Variants in TRIM25 observed in about 807,000 individuals in gnomAD.
The protein encoded by TRIM25 is E3 ubiquitin/ISG15 ligase TRIM25.
A neutral mutation model predicts 65.2 loss-of-function variants in TRIM25; 45 were observed. The ratio of observed to expected loss-of-function variants is 0.69; its 90% CI spans 0.54 to 0.89. The LOEUF is 0.89. Among genes scored for constraint, TRIM25 ranks in the 40% least tolerant of loss-of-function variants. The probability of loss-of-function intolerance (pLI) is 0.00; values close to 1 mark genes in which losing one functional copy is unlikely to be tolerated. For missense variants in TRIM25, 714 were observed against 803.7 expected, an observed-to-expected ratio of 0.89 and a Z score of 1.35; for synonymous variants, 321 against 340.4, an observed-to-expected ratio of 0.94 and a Z score of 0.63.
chr17:56,905,575 G>C (rs1365533029), intron 2 of TRIM25, among the ~76,000 whole-genome samples: 2 of 151,976 alleles, frequency 1.3e-5, no homozygotes, highest in East Asian at 3.9e-4. Flanking sequence ...ACCAAAAAAA[G>C]GAATGTAAAA....
chr17:56,904,458 G>A lies in TRIM25; in HGVS notation c.724C>T (p.Gln242Ter). 4 of 1,614,106 alleles carry A rather than the reference G, an allele frequency of 2.5e-6. No individual in the cohort carries two copies. Among genetic ancestry groups the A allele is most frequent in the South Asian group, 1.1e-5 (1 of 91,076 alleles). ...GCCTTCATTTCCGTGTATTCTTGTT[G>A]TAGCTGCTCCACCTTTCTGTTTGCA... ...MTANRKVEQL[Q>*]QEYTEMKALL... Residue 242 changes from glutamine to a stop codon, truncating the protein, a stop_gained, in exon 3 of 9, where the codon CAA (glutamine) becomes TAA (stop). Coordinates refer to ENST00000316881, the MANE Select transcript of TRIM25 (RefSeq NM_005082.5). LOFTEE classifies it high-confidence loss of function.
At chr17:56,895,300 G>T (rs145869531) in intron 8 of TRIM25, 43 bp downstream of exon 8, 3 of 1,530,746 alleles carry the variant, frequency 2.0e-6, no homozygotes, top group South Asian at 1.1e-5. Context: ...GCGCAGGAGA[G>T]ACAGAACCAG....
intron 2 of TRIM25, among the ~76,000 whole-genome samples, chr17:56,906,848 A>G (rs958346374): frequency 1.5e-4 from 23 of 152,094 alleles, no homozygotes; most frequent in Admixed American, 7.2e-4. Flanking sequence ...AGTGTCCCCC[A>G]GTGTTCATTT....
Position 56,891,589 on chromosome 17 carries a change from C to T in TRIM25, c.*111G>A. On this transcript the variant is annotated 3_prime_UTR_variant, in exon 9 of 9. Coordinates refer to ENST00000316881, the MANE Select transcript of TRIM25 (RefSeq NM_005082.5). Reference sequence around the variant, plus strand: ...CTCCCGCCAGCTCCCCTCCCATGCTCCCAATCCTTGGGACCTCTTGGGGAA... The same window carrying T: ...CTCCCGCCAGCTCCCCTCCCATGCTTCCAATCCTTGGGACCTCTTGGGGAA... The T allele has an allele frequency of 3.8e-6, 3 of 798,784 alleles. No homozygotes were observed. Among genetic ancestry groups the T allele is most frequent in the Non-Finnish European group, 5.3e-6 (3 of 563,426 alleles). The allele number at this position is 798,784 out of a possible 1,614,324, so 49.5% of individuals were successfully genotyped here. A position where few individuals can be genotyped will look rare whatever the true frequency, so the allele number is the denominator to read the frequency against.
At position 56,891,055 on chromosome 17, in the gene TRIM25, A is replaced by C; in HGVS notation, c.*645T>G. 2.5e-6 allele frequency: 1 copy of C among 396,796 alleles called. No homozygotes were observed. Among genetic ancestry groups the C allele is most frequent in the South Asian group, 1.9e-5 (1 of 53,880 alleles). The allele number at this position is 396,796 out of a possible 1,614,324, so 24.6% of individuals were successfully genotyped here. On this transcript the variant is annotated 3_prime_UTR_variant, in exon 9 of 9. Transcript: ENST00000316881. ...AAAGTTTGCTGTTTGAAAACCATCA[A>C]TGTGGGGGCGATGGGTGTGCAGGGT...
intron 1 of TRIM25, among the ~76,000 whole-genome samples, chr17:56,910,395 A>G (rs573050576): frequency 6.6e-6 from 1 of 152,318 alleles, no homozygotes; most frequent in East Asian, 1.9e-4. Flanking sequence ...CCTCTGTGAC[A>G]CTGCCCTTCG....
In TRIM25 at chr17:56,890,757, A is replaced by G. The variant is rs1303215243; in HGVS notation, c.*943T>C. The G allele has an allele frequency of 2.2e-6, 1 of 456,448 alleles. No individual in the cohort carries two copies. Among genetic ancestry groups the G allele is most frequent in the Non-Finnish European group, 4.4e-6 (1 of 226,914 alleles). 28.3% of individuals were successfully genotyped at this position (456,448 alleles called of 1,614,324 possible). On this transcript the variant is annotated 3_prime_UTR_variant, in exon 9 of 9. Transcript: ENST00000316881. ...ATCACCGAGAAGAGTTGTCAGTAAG[A>G]AGGCAGGACACTCTAACACGAGCAA...
chr17:56,891,388 C>T lies in TRIM25; in HGVS notation c.*312G>A, dbSNP rs951610796. 6 of 394,312 alleles carry T rather than the reference C, an allele frequency of 1.5e-5. No individual in the cohort carries two copies. The highest frequency in any genetic ancestry group is 4.2e-5 in the Admixed American group (1 of 23,804). 24.4% of individuals were successfully genotyped at this position (394,312 alleles called of 1,614,324 possible). A position where few individuals can be genotyped will look rare whatever the true frequency, so the allele number is the denominator to read the frequency against. On this transcript the variant is annotated 3_prime_UTR_variant, in exon 9 of 9. Transcript: ENST00000316881. The stretch of plus-strand genomic sequence containing the variant: ...GCTATGGATTTTCTCTAAGAGGAAT[C>T]GGGCACTCATGACTTCACTTCCCAG...
In TRIM25 at chr17:56,891,599, G is replaced by T; in HGVS notation, c.*101C>A. The T allele has an allele frequency of 4.4e-5, 36 of 815,546 alleles. No homozygotes were observed. The highest frequency in any genetic ancestry group is 2.2e-4 in the South Asian group (11 of 50,796). 50.5% of individuals were successfully genotyped at this position (815,546 alleles called of 1,614,324 possible). ...CTCCCCTCCCATGCTCCCAATCCTT[G>T]GGACCTCTTGGGGAATTATCCAAGG... On this transcript the variant is annotated 3_prime_UTR_variant, in exon 9 of 9. Coordinates refer to ENST00000316881, the MANE Select transcript of TRIM25 (RefSeq NM_005082.5).
chr17:56,895,249 T>C (rs1909266640), intron 8 of TRIM25, 94 bp downstream of exon 8: 2 of 937,800 alleles, frequency 2.1e-6, no homozygotes, highest in South Asian at 2.8e-5. Context: ...GAGTGGCTGA[T>C]ATAGCCGGCC....
Position 56,891,841 on chromosome 17 carries a change from G to C in TRIM25, c.1752C>G (p.Asp584Glu), listed in dbSNP as rs1235223869. ...CAGCGAAGAAGATGACAAAGCCGTGGTCACAGTTGAGAAGCACGCCCACCC... is the reference window on the plus strand; with the variant it reads ...CAGCGAAGAAGATGACAAAGCCGTGCTCACAGTTGAGAAGCACGCCCACCC... ...ATRVGVLLNC[D>E]HGFVIFFAVA... The change falls in exon 9 of 9, where the codon GAC becomes GAG. Residue 584 changes from aspartate (D) to glutamate (E), a missense_variant. By Grantham distance (45) the Asp-to-Glu change is conservative. Around this residue, in one of 3 missense-constraint regions of TRIM25, gnomAD observed 413 missense variants for 498.2 expected, o/e 0.83. Transcript: ENST00000316881. 1 of 1,614,240 alleles carries C rather than the reference G, an allele frequency of 6.2e-7. No homozygotes were observed.
At chr17:56,909,070 G>A (rs1163280688) in intron 1 of TRIM25, among the ~76,000 whole-genome samples, 3 of 152,126 alleles carry the variant, frequency 2.0e-5, no homozygotes, top group Admixed American at 6.5e-5. Context: ...TGGGACAGCT[G>A]CTTCGGTAAT....
chr17:56,899,775 T>C (rs1313777179), intron 4 of TRIM25, among the ~76,000 whole-genome samples: 1 of 152,208 alleles, frequency 6.6e-6, no homozygotes, highest in Non-Finnish European at 1.5e-5. Context: ...ACTAGGGAAA[T>C]AGCGTTGAAG....
rs530911014 is a variant in TRIM25, at chr17:56,904,148, C to G, written c.927+107G>C. 5.8e-5 allele frequency: 54 copies of G among 923,614 alleles called. No individual in the cohort carries two copies. In the South Asian group the frequency reaches 8.1e-4, roughly 14 times the overall value. The allele number at this position is 923,614 out of a possible 1,614,324, so 57.2% of individuals were successfully genotyped here. A position where few individuals can be genotyped will look rare whatever the true frequency, so the allele number is the denominator to read the frequency against. On this transcript the variant is annotated intron_variant, in intron 3 of 8. Coordinates refer to ENST00000316881, the MANE Select transcript of TRIM25 (RefSeq NM_005082.5). ...TACAGCGTGTGTCTCAGGGATGCTTCCAGTGACCTCTTCCAGTCTCCCGCT... is the reference window on the plus strand; with the variant it reads ...TACAGCGTGTGTCTCAGGGATGCTTGCAGTGACCTCTTCCAGTCTCCCGCT...
intron 3 of TRIM25, 54 bp downstream of exon 3, chr17:56,904,201 G>T (rs1283259447): frequency 2.7e-5 from 40 of 1,469,432 alleles, no homozygotes; most frequent in South Asian, 3.5e-5. Flanking sequence ...TCAACAGCAT[G>T]ACATCAGGCA....
chr17:56,894,972 G>C (rs1406276005), intron 8 of TRIM25, among the ~76,000 whole-genome samples: 8 of 152,234 alleles, frequency 5.3e-5, no homozygotes, highest in Admixed American at 1.3e-4. Flanking sequence ...CTGGAGAGTG[G>C]TGGGGAGGAG....
intron 2 of TRIM25, 62 bp from the exon 3 acceptor site, chr17:56,904,550 C>T: frequency 1.4e-6 from 2 of 1,469,350 alleles, no homozygotes; most frequent in Non-Finnish European, 1.9e-6. Flanking sequence ...GCTGCAGCCC[C>T]AAGCATGGGT....
Position 56,904,289 on chromosome 17 carries a change from C to T in TRIM25, c.893G>A (p.Ser298Asn), listed in dbSNP as rs1392800375. ...CTCGAACTCATCCCTCTTGGTCAGG[C>T]TCTGTTCAATCTCCTCCTTCAAGGT... ...IQTLKEEIEQSLTKRDEFEFL... is the reference protein window; with the variant it reads ...IQTLKEEIEQNLTKRDEFEFL... Residue 298 changes from serine to asparagine, a missense_variant, in exon 3 of 9, where the codon AGC becomes AAC. Ser to Asn is a conservative substitution (Grantham distance 46, BLOSUM62 1). This residue lies in a region of TRIM25 where 413 missense variants were observed against 498.2 expected (regional missense o/e 0.83). Transcript: ENST00000316881. 8.1e-6 allele frequency: 13 copies of T among 1,613,866 alleles called. No homozygotes were observed. Among genetic ancestry groups the T allele is most frequent in the Non-Finnish European group, 1.1e-5 (13 of 1,180,002 alleles).
At chr17:56,911,848 C>G (rs1909635995) in intron 1 of TRIM25, among the ~76,000 whole-genome samples, 1 of 151,740 alleles carries the variant, frequency 6.6e-6, no homozygotes, top group Admixed American at 6.6e-5. Context: ...GCTATGATCA[C>G]CCCACTGTAC....
Sources: gnomAD v4.1 joint callset for allele counts (sites outside exome capture counted in the v4.1 genomes callset) on GRCh38, gnomAD v4.1.1 for gene constraint, gnomAD v4.1.1 regional missense constraint, MANE v1.5 for transcripts, NCBI Gene and HGNC (gene_info 2026-07-23, HGNC 2026-07-21) for gene names.